The following ARHGAP8 variants were observed in gnomAD, a reference collection of about 807,000 sequenced individuals.
ARHGAP8 encodes the protein rho GTPase-activating protein 8.
A neutral mutation model predicts 46.1 loss-of-function variants in ARHGAP8; 62 were observed. That is an observed-to-expected ratio of 1.34 (90% confidence interval 1.10 to 1.66). The LOEUF is 1.66. Ranked by LOEUF, ARHGAP8 falls within the 40% of genes most tolerant of loss-of-function variation. The pLI is 0.00. For missense variants in ARHGAP8, 923 were observed against 568.4 expected (o/e 1.62, Z -6.34); for synonymous variants, 375 against 243.1 (o/e 1.54, Z -5.05).
At chr22:44,861,629 T>C (rs970447656) in intron 11 of ARHGAP8, among the ~76,000 whole-genome samples, 3 of 152,144 alleles carry the variant, frequency 2.0e-5, no homozygotes, top group Admixed American at 6.5e-5. Flanking sequence ...AGCTTGAATC[T>C]TGTAGGGAGG....
At chr22:44,785,746 G>A (rs936489265) in intron 1 of ARHGAP8, among the ~76,000 whole-genome samples, 5 of 152,132 alleles carry the variant, frequency 3.3e-5, no homozygotes, top group East Asian at 1.9e-4. Flanking sequence ...AACCCTGATT[G>A]GTTTTGCATG....
chr22:44,836,871 C>CTTGTT (rs1054947941), intron 7 of ARHGAP8, among the ~76,000 whole-genome samples: 2 of 151,832 alleles, frequency 1.3e-5, no homozygotes, highest in African/African-American at 4.8e-5. Flanking sequence ...TTCTTTCTTT[C>CTTGTT]TTGTTTTGTT....
At chr22:44,821,812 G>T (rs1403206350) in intron 5 of ARHGAP8, among the ~76,000 whole-genome samples, 1 of 152,258 alleles carries the variant, frequency 6.6e-6, no homozygotes, top group Admixed American at 6.5e-5. Flanking sequence ...CGGAGTTGCT[G>T]CACCTGGTCA....
At chr22:44,768,780 A>T (rs1925787949) in intron 1 of ARHGAP8, among the ~76,000 whole-genome samples, 1 of 151,516 alleles carries the variant, frequency 6.6e-6, no homozygotes, top group Non-Finnish European at 1.5e-5. Flanking sequence ...TCATGACGCC[A>T]GATGAGCTTC....
intron 5 of ARHGAP8, among the ~76,000 whole-genome samples, chr22:44,820,526 G>A (rs142201632): frequency 0.017 from 2,524 of 152,278 alleles, 47 homozygotes; most frequent in South Asian, 0.067. Flanking sequence ...GTCCTGTGGC[G>A]TCTAAATGGG....
At chr22:44,755,949 A>T (rs1359867756) in intron 1 of ARHGAP8, among the ~76,000 whole-genome samples, 1 of 152,184 alleles carries the variant, frequency 6.6e-6, no homozygotes. Context: ...TCATAGGACC[A>T]TTAGGAGAAC....
intron 7 of ARHGAP8, among the ~76,000 whole-genome samples, chr22:44,829,110 TAAAAATACAAA>T (rs1930747111): frequency 6.1e-5 from 1 of 16,386 alleles, no homozygotes; most frequent in African/African-American, 3.6e-4. Flanking sequence ...CTATCTCTAC[TAAAAATACAAA>T]AAAAAAAAAA....
intron 5 of ARHGAP8, among the ~76,000 whole-genome samples, chr22:44,815,956 C>T (rs541065179): frequency 6.6e-6 from 1 of 152,220 alleles, no homozygotes; most frequent in South Asian, 2.1e-4. Context: ...CAGGAGGGCG[C>T]AGGTGTGCAC....
Position 44,810,131 on chromosome 22 carries a change from C to G in ARHGAP8, c.299+1693C>G, listed in dbSNP as rs564573962. 2.0e-5 allele frequency among the ~76,000 whole-genome samples: 3 copies of G among 152,174 alleles called. No homozygotes were observed. The South Asian group carries it at 6.2e-4, about 32-fold the overall frequency. On this transcript the variant is annotated intron_variant, in intron 4 of 11. Transcript: ENST00000356099. The stretch of plus-strand genomic sequence containing the variant: ...GTGCCTAAGCAGACACCAATCCTAG[C>G]TAGCACTTAGGGGTTTGTGAACAGG...
chr22:44,862,576 C>A lies in ARHGAP8; in HGVS notation c.1283C>A (p.Ala428Glu). 1 of 1,588,770 alleles carries A rather than the reference C, an allele frequency of 6.3e-7. No individual in the cohort carries two copies. Among genetic ancestry groups the A allele is most frequent in the South Asian group, 1.1e-5 (1 of 89,246 alleles). Residue 428 changes from alanine to glutamate, a missense_variant, in exon 12 of 12, where the codon GCA becomes GAA. Transcript: ENST00000356099. Reference sequence around the variant, plus strand: ...ACCCTACCTCCGAGTCCCCTGATGGCAGCCAGAAGACGTCTCTAGTGTTGC... The same window carrying A: ...ACCCTACCTCCGAGTCCCCTGATGGAAGCCAGAAGACGTCTCTAGTGTTGC... ...KPTLPPSPLM[A>E]ARRRL
chr22:44,774,921 C>T (rs1465569084), intron 1 of ARHGAP8, among the ~76,000 whole-genome samples: 2 of 151,992 alleles, frequency 1.3e-5, no homozygotes, highest in Non-Finnish European at 2.9e-5. Context: ...ACCTCTGCTT[C>T]CTGGGTTCAA....
At chr22:44,837,084 C>T (rs952598463) in intron 7 of ARHGAP8, among the ~76,000 whole-genome samples, 3 of 152,180 alleles carry the variant, frequency 2.0e-5, no homozygotes, top group Admixed American at 1.3e-4. Flanking sequence ...GGGGTTTCAC[C>T]ATGTTGGCTA....
chr22:44,773,287 C>T (rs6007284), intron 1 of ARHGAP8, among the ~76,000 whole-genome samples: 7,400 of 152,194 alleles, frequency 0.049, 381 homozygotes, highest in East Asian at 0.24. Flanking sequence ...TCTCATTATC[C>T]TTTTAATGTC....
intron 1 of ARHGAP8, among the ~76,000 whole-genome samples, chr22:44,776,868 C>T (rs767341530): frequency 1.3e-5 from 2 of 152,080 alleles, no homozygotes; most frequent in Non-Finnish European, 1.5e-5. Context: ...CTGGGAGCCT[C>T]TCCCTGTATC....
intron 1 of ARHGAP8, among the ~76,000 whole-genome samples, chr22:44,785,439 G>T (rs1250673875): frequency 6.6e-6 from 1 of 152,072 alleles, no homozygotes; most frequent in African/African-American, 2.4e-5. Flanking sequence ...GTGGTTCCTG[G>T]TGTCCCTTGG....
intron 1 of ARHGAP8, among the ~76,000 whole-genome samples, chr22:44,760,056 T>G (rs1925011230): frequency 6.6e-6 from 1 of 152,218 alleles, no homozygotes; most frequent in Admixed American, 6.5e-5. Flanking sequence ...CTGCGGTTTG[T>G]GGGCAGGCCT....
In ARHGAP8 at chr22:44,808,399, T is replaced by A; in HGVS notation, c.260T>A (p.Leu87Gln). The A allele has an allele frequency of 6.2e-7, 1 of 1,614,234 alleles. No homozygotes were observed. Among genetic ancestry groups the A allele is most frequent in the Non-Finnish European group, 8.5e-7 (1 of 1,180,048 alleles). ...CTGAACAGCCGGAACAAGCCTTCCC[T>A]GGGCTGGCTCCAGAGCGCATACAAG... ...YGLNSRNKPSLGWLQSAYKEF... is the reference protein window; with the variant it reads ...YGLNSRNKPSQGWLQSAYKEF... The change falls in exon 4 of 12, where the codon CTG (leucine) becomes CAG (glutamine). Residue 87 changes from leucine to glutamine, a missense_variant. Transcript: ENST00000356099.
chr22:44,860,993 A>C (rs1028351016), intron 11 of ARHGAP8, among the ~76,000 whole-genome samples: 1 of 126,368 alleles, frequency 7.9e-6, no homozygotes, highest in Non-Finnish European at 1.8e-5. Flanking sequence ...CCCAAAACTA[A>C]ACTCTCCTAA....
chr22:44,755,626 G>T (rs1924609000), intron 1 of ARHGAP8, among the ~76,000 whole-genome samples: 1 of 152,188 alleles, frequency 6.6e-6, no homozygotes, highest in Non-Finnish European at 1.5e-5. Flanking sequence ...TCTCCCTGGA[G>T]CTTCTGGCAG....
Sources: allele counts gnomAD v4.1 joint callset (sites outside exome capture counted in the v4.1 genomes callset), GRCh38; gene constraint gnomAD v4.1.1; transcripts MANE v1.5; gene names NCBI Gene and HGNC (gene_info 2026-07-23, HGNC 2026-07-21).